Variants in TMEM266 observed in about 807,000 individuals in gnomAD.
TMEM266 encodes the protein Hv1 related protein 1.
In TMEM266, 33 loss-of-function variants were observed where a neutral mutation model predicts 50.5. The observed-to-expected ratio is 0.65, with a 90% CI of 0.50 to 0.87. The LOEUF (loss-of-function observed/expected upper bound fraction) is 0.87, where lower values mean the gene tolerates loss of function less well. Ranked by LOEUF, TMEM266 falls within the 40% of genes least tolerant of loss-of-function variation. The pLI is 0.00. For synonymous variants in TMEM266, 310 were observed against 292.3 expected, an observed-to-expected ratio of 1.06 and a Z score of -0.62; for missense variants, 655 against 695.1, an observed-to-expected ratio of 0.94 and a Z score of 0.65.
intron 3 of TMEM266, among the ~76,000 whole-genome samples, chr15:76,147,806 G>A (rs1000841613): frequency 6.6e-6 from 1 of 152,148 alleles, no homozygotes; most frequent in African/African-American, 2.4e-5. Flanking sequence ...CAAGGCCTGC[G>A]GAACGCTTGA....
rs1372070651 is a variant in TMEM266 at position 76,153,621 on chromosome 15, G to A, written c.228-2983G>A. ...TGTGGGGGAGGAGTGAGCAGGCAGA[G>A]GGCAGGAGGGGAACCGGCTTCCGGG... On this transcript the variant is annotated intron_variant, in intron 3 of 10. Transcript: ENST00000388942. This position sits in a 1 kb window ranked among gnomAD's most constrained non-coding sequence, Gnocchi z 4.2. 5.3e-5 allele frequency among the ~76,000 whole-genome samples: 8 copies of A among 152,184 alleles called. No homozygotes were observed. The highest frequency in any genetic ancestry group is 5.2e-4 in the Admixed American group (8 of 15,282).
chr15:76,083,566 T>C (rs2036728161), intron 1 of TMEM266, among the ~76,000 whole-genome samples: 2 of 152,184 alleles, frequency 1.3e-5, no homozygotes, highest in African/African-American at 2.4e-5. Flanking sequence ...AGTTCAAACA[T>C]TATTTCTTCA....
intron 3 of TMEM266, among the ~76,000 whole-genome samples, chr15:76,138,644 G>A (rs1438062053): frequency 6.6e-6 from 1 of 152,252 alleles, no homozygotes; most frequent in East Asian, 1.9e-4. Context: ...ACATGCTTAG[G>A]ATGTAAGGGA....
chr15:76,166,360 T>G (rs1201223111), intron 5 of TMEM266, among the ~76,000 whole-genome samples: 1 of 152,150 alleles, frequency 6.6e-6, no homozygotes, highest in Non-Finnish European at 1.5e-5. Flanking sequence ...CCAAGCCCTC[T>G]CCACAGCGGC....
At chr15:76,130,677 G>C (rs964208343) in intron 1 of TMEM266, among the ~76,000 whole-genome samples, 3 of 152,244 alleles carry the variant, frequency 2.0e-5, no homozygotes, top group Admixed American at 2.0e-4. Flanking sequence ...TTCCAAAACA[G>C]TCATGAGTGG....
intron 1 of TMEM266, among the ~76,000 whole-genome samples, chr15:76,110,710 C>A (rs2037158197): frequency 6.6e-6 from 1 of 152,116 alleles, no homozygotes; most frequent in African/African-American, 2.4e-5. Flanking sequence ...AAGCCACAGT[C>A]TGGGAGAAAA....
chr15:76,105,378 T>C (rs1466649896), intron 1 of TMEM266, among the ~76,000 whole-genome samples: 1 of 152,202 alleles, frequency 6.6e-6, no homozygotes, highest in Admixed American at 6.5e-5. Context: ...CCCTTTCATC[T>C]CCCTGGTGCA....
intron 8 of TMEM266, among the ~76,000 whole-genome samples, chr15:76,188,463 C>T (rs1414921081): frequency 6.6e-6 from 1 of 152,048 alleles, no homozygotes; most frequent in African/African-American, 2.4e-5. Flanking sequence ...ATTAGCTGGG[C>T]GTGGTGGCAC....
chr15:76,123,605 C>T (rs1308102674), intron 1 of TMEM266, among the ~76,000 whole-genome samples: 1 of 152,208 alleles, frequency 6.6e-6, no homozygotes, highest in Admixed American at 6.5e-5. Context: ...CAAACCTGGT[C>T]TAGCATACAA....
intron 1 of TMEM266, among the ~76,000 whole-genome samples, chr15:76,128,307 T>G (rs889150292): frequency 1.3e-5 from 2 of 152,232 alleles, no homozygotes; most frequent in Non-Finnish European, 2.9e-5. Context: ...TTTAGGGGAC[T>G]GACTACTTGA....
chr15:76,191,876 C>T, intron 8 of TMEM266, 92 bp from the exon 9 acceptor site: 3 of 1,218,442 alleles, frequency 2.5e-6, no homozygotes, highest in Admixed American at 3.0e-5. Context: ...CCCCACCCCG[C>T]CCCCATGCAG....
At position 76,161,475 on chromosome 15, in the gene TMEM266, C is replaced by G. The variant is rs184028906; in HGVS notation, c.456+1307C>G. 6.6e-6 allele frequency among the ~76,000 whole-genome samples: 1 copy of G among 151,986 alleles called. No homozygotes were observed. The highest frequency in any genetic ancestry group is 1.9e-4 in the East Asian group (1 of 5,194). On this transcript the variant is annotated intron_variant, in intron 5 of 10. Coordinates refer to ENST00000388942, the MANE Select transcript of TMEM266 (RefSeq NM_152335.3). This position sits in a 1 kb window ranked among gnomAD's most constrained non-coding sequence, Gnocchi z 4.1. The stretch of plus-strand genomic sequence containing the variant: ...GCTAATGGCTCTGCTCTCTCTCTCT[C>G]TCTCTCCCTAAAAATCAGGAGGGAG...
chr15:76,064,372 G>C (rs910941723), intron 1 of TMEM266, among the ~76,000 whole-genome samples: 16 of 152,184 alleles, frequency 1.1e-4, no homozygotes, highest in African/African-American at 3.9e-4. Context: ...GGTGTAAGCA[G>C]TCCCAGGAAG....
intron 1 of TMEM266, among the ~76,000 whole-genome samples, chr15:76,133,052 C>T (rs531886468): frequency 1.4e-3 from 211 of 151,890 alleles, no homozygotes; most frequent in African/African-American, 4.8e-3. Flanking sequence ...TCACTTGAGC[C>T]CAGGAGGTCA....
chr15:76,093,558 G>C (rs9672226), intron 1 of TMEM266, among the ~76,000 whole-genome samples: 81,100 of 151,778 alleles, frequency 0.53, 22,343 homozygotes, highest in Admixed American at 0.68. Context: ...ATTGTGAATA[G>C]TGCTGCAATA....
chr15:76,126,361 A>G (rs1384232207), intron 1 of TMEM266, among the ~76,000 whole-genome samples: 2 of 132,058 alleles, frequency 1.5e-5, no homozygotes, highest in Admixed American at 8.1e-5. Flanking sequence ...ACACACACAC[A>G]CACACCCACA....
intron 1 of TMEM266, among the ~76,000 whole-genome samples, chr15:76,102,840 CAAAAAAA>C (rs576336505): frequency 2.1e-5 from 1 of 48,414 alleles, no homozygotes; most frequent in Non-Finnish European, 4.6e-5. Flanking sequence ...CCCTTATCTC[CAAAAAAA>C]AAAAAAAAAA....
intron 2 of TMEM266, among the ~76,000 whole-genome samples, chr15:76,136,136 T>C (rs948941505): frequency 7.2e-5 from 11 of 152,252 alleles, no homozygotes; most frequent in Admixed American, 3.3e-4. Flanking sequence ...GTAGAGACGG[T>C]TTCACCATGC....
chr15:76,091,427 G>A (rs537823597), intron 1 of TMEM266, among the ~76,000 whole-genome samples: 2 of 152,064 alleles, frequency 1.3e-5, no homozygotes, highest in South Asian at 4.2e-4. Flanking sequence ...GCCCATGCTT[G>A]TAATCCCAGC....
Sources: gnomAD v4.1 joint callset for allele counts (sites outside exome capture counted in the v4.1 genomes callset) on GRCh38, gnomAD v4.1.1 for gene constraint, Gnocchi (gnomAD v3.1) non-coding constraint, MANE v1.5 for transcripts, NCBI Gene and HGNC (gene_info 2026-07-23, HGNC 2026-07-21) for gene names.